Variants in PACS2 observed in about 807,000 individuals in gnomAD.
PACS2 encodes phosphofurin acidic cluster sorting protein 2.
PACS2 carries 36 observed loss-of-function variants against 113.0 expected under a neutral mutation model. The ratio of observed to expected loss-of-function variants is 0.32; its 90% CI spans 0.24 to 0.42. The LOEUF is 0.42. PACS2 is among the 10% of genes least tolerant of loss of function. The probability of loss-of-function intolerance (pLI) is 1.00; values close to 1 mark genes in which losing one functional copy is unlikely to be tolerated. For synonymous variants in PACS2, 589 were observed against 536.1 expected (o/e 1.10, Z -1.36); for missense variants, 1,015 against 1,239.5 (o/e 0.82, Z 2.72).
intron 1 of PACS2, among the ~76,000 whole-genome samples, chr14:105,335,090 A>C (rs984075546): frequency 6.6e-6 from 1 of 152,206 alleles, no homozygotes; most frequent in Non-Finnish European, 1.5e-5. Context: ...GGGCCTCCTG[A>C]TGACTGGACC....
chr14:105,385,074 C>A, intron 18 of PACS2, 87 bp downstream of exon 18: 1 of 868,952 alleles, frequency 1.2e-6, no homozygotes, highest in South Asian at 1.5e-5. Flanking sequence ...CTGGGCTTGG[C>A]CTGGTGGGCC....
rs782086378 is a variant in PACS2 at position 105,392,781 on chromosome 14, C to T, written c.2418C>T (p.Ser806=). Residue 806 remains serine (S), a synonymous_variant, in exon 23 of 25, where the codon AGC becomes AGT. Transcript: ENST00000447393. ...TCCAGGTCAGCAGGCTGCCCAGCAG[C>T]GGCGAGGCTGCAGCCACGCCCACCA... ...RSLQVSRLPS[S]GEAAATPTMS... 31 of 1,611,010 alleles carry T rather than the reference C, an allele frequency of 1.9e-5. No individual in the cohort carries two copies. The highest frequency in any genetic ancestry group is 3.3e-4 in the Middle Eastern group (2 of 6,060).
intron 4 of PACS2, among the ~76,000 whole-genome samples, chr14:105,362,774 C>T (rs587765098): frequency 1.3e-5 from 2 of 152,190 alleles, no homozygotes; most frequent in African/African-American, 4.8e-5. Flanking sequence ...TCGCTTGAAC[C>T]TGGGAGGCAG....
Position 105,352,419 on chromosome 14 carries a change from C to T in PACS2, c.249C>T (p.Pro83=), listed in dbSNP as rs972708233. Reference sequence around the variant, plus strand: ...TGCGGTCCCATGAGATTGTGCTGCCCCCCAGTGGACAAGTGGAGACAGACC... The same window carrying T: ...TGCGGTCCCATGAGATTGTGCTGCCTCCCAGTGGACAAGTGGAGACAGACC... ...RILRSHEIVL[P]PSGQVETDLA... Residue 83 remains proline, a synonymous_variant, in exon 3 of 25, where the codon CCC becomes CCT. Transcript: ENST00000447393. The T allele has an allele frequency of 1.9e-6, 3 of 1,612,914 alleles. No homozygotes were observed. Among genetic ancestry groups the T allele is most frequent in the Admixed American group, 1.7e-5 (1 of 59,972 alleles).
intron 1 of PACS2, among the ~76,000 whole-genome samples, chr14:105,342,932 TA>T (rs1180529928): frequency 0.12 from 14,581 of 126,628 alleles, 2,256 homozygotes; most frequent in African/African-American, 0.36. Flanking sequence ...GACTCTGTCT[TA>T]AAAAAAAAAA....
At chr14:105,342,230 CTGTGTGTGTGTGTG>C (rs373390359) in intron 1 of PACS2, among the ~76,000 whole-genome samples, 24 of 140,340 alleles carry the variant, frequency 1.7e-4, no homozygotes, top group Admixed American at 4.2e-4. Context: ...AAGCTGCTGC[CTGTGTGTGTGTGTG>C]TGTGTGTGTG....
rs183580824 is a variant in PACS2 at position 105,318,787 on chromosome 14, T to C, written c.119+3750T>C. On this transcript the variant is annotated intron_variant, in intron 1 of 24. Transcript: ENST00000447393. ...CATTCTCCTGCCTCAGCCTCCCGAGTAGCTGGGACTACAGGCGCCCGCCAC... is the reference window on the plus strand; with the variant it reads ...CATTCTCCTGCCTCAGCCTCCCGAGCAGCTGGGACTACAGGCGCCCGCCAC... 7.4e-3 allele frequency among the ~76,000 whole-genome samples: 1,123 copies of C among 151,378 alleles called. 5 individuals are homozygous for C. The highest frequency in any genetic ancestry group is 0.013 in the Admixed American group (190 of 15,190).
At chr14:105,333,289 G>C (rs1219403492) in intron 1 of PACS2, among the ~76,000 whole-genome samples, 1 of 152,214 alleles carries the variant, frequency 6.6e-6, no homozygotes. Context: ...TGCAGAGCAG[G>C]TGCTGGTTCT....
In PACS2 at chr14:105,391,668, G is replaced by A. The variant is rs1456019232; in HGVS notation, c.2157G>A (p.Thr719=). ...SDDAAPSGSG[T]LSSTPPSASP... ...ACGCGGCCCCCTCGGGCTCTGGCACGCTCTCCTCCACCCCGCCGTCCGCAT... is the reference window on the plus strand; with the variant it reads ...ACGCGGCCCCCTCGGGCTCTGGCACACTCTCCTCCACCCCGCCGTCCGCAT... The change falls in exon 22 of 25, where the codon ACG becomes ACA. Residue 719 remains threonine (T), a synonymous_variant. Coordinates refer to ENST00000447393, the MANE Select transcript of PACS2 (RefSeq NM_001100913.3). 3.7e-6 allele frequency: 6 copies of A among 1,610,290 alleles called. No individual in the cohort carries two copies. The highest frequency in any genetic ancestry group is 1.7e-5 in the Admixed American group (1 of 59,776).
At chr14:105,360,666 G>A (rs899125564) in intron 4 of PACS2, among the ~76,000 whole-genome samples, 2 of 152,098 alleles carry the variant, frequency 1.3e-5, no homozygotes, top group African/African-American at 2.4e-5. Flanking sequence ...GTTGGTTGCT[G>A]AAGGCTAGGG....
Position 105,354,927 on chromosome 14 carries a change from C to T in PACS2, c.298-125C>T. On this transcript the variant is annotated intron_variant, in intron 3 of 24. Transcript: ENST00000447393. The surrounding 1 kb of genome is among the most constrained non-coding windows in gnomAD (Gnocchi z 4.2). ...ACTTGGGGGCCCGTCTGTGGGTGCC[C>T]TTCCGATCTCATGGGCAGCAGGTTG... 1 of 917,658 alleles carries T rather than the reference C, an allele frequency of 1.1e-6. No individual in the cohort carries two copies. The highest frequency in any genetic ancestry group is 1.6e-5 in the South Asian group (1 of 60,700). The allele number at this position is 917,658 out of a possible 1,614,324, so 56.8% of individuals were successfully genotyped here.
At chr14:105,342,353 C>T (rs1178043362) in intron 1 of PACS2, among the ~76,000 whole-genome samples, 1 of 151,786 alleles carries the variant, frequency 6.6e-6, no homozygotes, top group Non-Finnish European at 1.5e-5. Flanking sequence ...CTGCAGCCTC[C>T]AACTCCTGGG....
At chr14:105,347,382 A>T (rs1236911523) in intron 1 of PACS2, among the ~76,000 whole-genome samples, 1 of 152,052 alleles carries the variant, frequency 6.6e-6, no homozygotes, top group African/African-American at 2.4e-5. Flanking sequence ...TCCACACCCA[A>T]TGCCCAGGGG....
At chr14:105,352,101 C>T (rs1299495574) in intron 2 of PACS2, among the ~76,000 whole-genome samples, 2 of 152,188 alleles carry the variant, frequency 1.3e-5, no homozygotes, top group East Asian at 1.9e-4. Flanking sequence ...GTTTTGTGAT[C>T]GCGTTAACTT....
At chr14:105,392,533 ACCT>A (rs1421806955) in intron 22 of PACS2, 83 bp from the exon 23 acceptor site, 5 of 1,226,610 alleles carry the variant, frequency 4.1e-6, no homozygotes, top group Non-Finnish European at 4.6e-6. Context: ...GCTGGCTGTC[ACCT>A]CCTGGCCTGT....
At chr14:105,301,189 C>T (rs1238110069) in intron 1 of PACS2, 1 of 152,808 alleles carries the variant, frequency 6.5e-6, no homozygotes, top group Non-Finnish European at 1.5e-5. Flanking sequence ...TGGGCGGGCC[C>T]TTGGCGATGA....
intron 1 of PACS2, among the ~76,000 whole-genome samples, chr14:105,316,028 G>A (rs1269966873): frequency 6.6e-6 from 1 of 152,238 alleles, no homozygotes; most frequent in Non-Finnish European, 1.5e-5. Context: ...AGCTGCAGGT[G>A]GGCCTCTCCG....
chr14:105,338,999 C>G (rs1459622632), intron 1 of PACS2, among the ~76,000 whole-genome samples: 1 of 152,230 alleles, frequency 6.6e-6, no homozygotes, highest in Non-Finnish European at 1.5e-5. Context: ...ATCCAGGCAT[C>G]TGGGCTGAGG....
intron 1 of PACS2, among the ~76,000 whole-genome samples, chr14:105,337,051 C>T (rs1266602202): frequency 6.6e-6 from 1 of 152,178 alleles, no homozygotes; most frequent in East Asian, 1.9e-4. Context: ...ACTGGGCCCT[C>T]GGTCAGCACC....
Sources: gnomAD v4.1 joint callset for allele counts (sites outside exome capture counted in the v4.1 genomes callset) on GRCh38, gnomAD v4.1.1 for gene constraint, Gnocchi (gnomAD v3.1) non-coding constraint, MANE v1.5 for transcripts, NCBI Gene and HGNC (gene_info 2026-07-23, HGNC 2026-07-21) for gene names.